The following CENPO variants were observed in gnomAD, a reference collection of about 807,000 sequenced individuals.
The protein encoded by CENPO is centromere protein O, also known as centromeric protein O.
Under a neutral mutation model 36.1 loss-of-function variants are expected in CENPO, and 30 were observed. That is an observed-to-expected ratio of 0.83 (90% CI 0.62 to 1.13). The LOEUF (loss-of-function observed/expected upper bound fraction) is 1.13. Among genes scored for constraint, CENPO ranks in the 50% most tolerant of loss-of-function variants. The pLI, the probability that CENPO is intolerant of heterozygous loss-of-function variation, is 0.00. For synonymous variants in CENPO, 171 were observed against 142.3 expected (o/e 1.20, Z -1.44); for missense variants, 349 against 357.8 (o/e 0.98, Z 0.20).
intron 3 of CENPO, among the ~76,000 whole-genome samples, chr2:24,802,528 T>G (rs1280204042): frequency 2.0e-5 from 3 of 152,254 alleles, no homozygotes; most frequent in Non-Finnish European, 4.4e-5. Flanking sequence ...TTGAGAGTTT[T>G]TAGCATGAAG....
rs146239018 is a variant in CENPO at position 24,816,746 on chromosome 2, C to T, written c.695C>T (p.Pro232Leu). The change falls in exon 6 of 8, where the codon CCG becomes CTG. Residue 232 changes from proline (P) to leucine (L), a missense_variant. Pro to Leu is a moderately conservative substitution (Grantham distance 98). Coordinates refer to ENST00000380834, the MANE Select transcript of CENPO (RefSeq NM_001322101.2). ...YKLDPGGQSF[P>L]FCARLLYKDL... ...CTGGATCCAGGGGGTCAGTCCTTCCCGTTCTGTGCTAGATTGCTGTATAAG... is the reference window on the plus strand; with the variant it reads ...CTGGATCCAGGGGGTCAGTCCTTCCTGTTCTGTGCTAGATTGCTGTATAAG... 1.2e-3 allele frequency: 1,924 copies of T among 1,612,526 alleles called. 11 individuals are homozygous for T. The highest frequency in any genetic ancestry group is 0.01 in the Middle Eastern group (63 of 6,056).
At chr2:24,797,375 G>A (rs1665953863) in intron 2 of CENPO, among the ~76,000 whole-genome samples, 1 of 152,168 alleles carries the variant, frequency 6.6e-6, no homozygotes, top group African/African-American at 2.4e-5. Context: ...CACTGAGAAG[G>A]CAGGTGGATA....
intron 4 of CENPO, 114 bp from the exon 5 acceptor site, chr2:24,815,383 C>T (rs1421450493): frequency 2.5e-6 from 2 of 788,816 alleles, no homozygotes; most frequent in Non-Finnish European, 4.3e-6. Flanking sequence ...ATTGAACAAA[C>T]ATTTGTGTAC....
At chr2:24,813,044 AAGACCAGCCTGG>A (rs1666771030) in intron 3 of CENPO, among the ~76,000 whole-genome samples, 1 of 151,884 alleles carries the variant, frequency 6.6e-6, no homozygotes, top group Non-Finnish European at 1.5e-5. Context: ...TCAGGAGTTC[AAGACCAGCCTGG>A]CCAACATGGT....
At chr2:24,807,364 G>A (rs1408914184) in intron 3 of CENPO, among the ~76,000 whole-genome samples, 1 of 152,116 alleles carries the variant, frequency 6.6e-6, no homozygotes, top group East Asian at 1.9e-4. Flanking sequence ...TTATATAAAT[G>A]TTAAAAAGCT....
intron 3 of CENPO, among the ~76,000 whole-genome samples, chr2:24,800,252 C>T (rs1471015953): frequency 6.6e-6 from 1 of 152,204 alleles, no homozygotes; most frequent in Non-Finnish European, 1.5e-5. Context: ...GCACTCCAGC[C>T]TGGGAAACAG....
At chr2:24,794,261 T>G (rs533328243) in intron 2 of CENPO, among the ~76,000 whole-genome samples, 3 of 152,324 alleles carry the variant, frequency 2.0e-5, no homozygotes, top group African/African-American at 7.2e-5. Flanking sequence ...CTCCCCGGAT[T>G]TTTTGGGCCA....
In CENPO at chr2:24,801,153, T is replaced by C. The variant is rs897777203; in HGVS notation, c.216+1309T>C. 7.9e-5 allele frequency among the ~76,000 whole-genome samples: 12 copies of C among 152,338 alleles called. No homozygotes were observed. The South Asian group carries it at 1.4e-3, about 18-fold the overall frequency. ...TTGAGAAGTGTCTGTTCATGTCCTT[T>C]GCCCACTTTTTGATGGGGTTGTTTG... On this transcript the variant is annotated intron_variant, in intron 3 of 7. Transcript: ENST00000380834.
At position 24,821,049 on chromosome 2, in the gene CENPO, C is replaced by A. The variant is rs921815412; in HGVS notation, c.*1731C>A. The A allele has an allele frequency of 8.2e-6, 5 of 606,900 alleles. No homozygotes were observed. Among genetic ancestry groups the A allele is most frequent in the Non-Finnish European group, 1.3e-5 (5 of 381,744 alleles). 37.6% of individuals were successfully genotyped at this position (606,900 alleles called of 1,614,324 possible). On this transcript the variant is annotated 3_prime_UTR_variant, in exon 8 of 8. Transcript: ENST00000380834. ...GTGCTTGTTAGGTGTCAGCCGCCAC[C>A]CCCCCCCCATATGCAGATTTACTCG... is the stretch of plus-strand genomic sequence containing the variant.
chr2:24,813,205 C>T (rs985952443), intron 3 of CENPO, among the ~76,000 whole-genome samples: 1 of 152,066 alleles, frequency 6.6e-6, no homozygotes, highest in African/African-American at 2.4e-5. Context: ...GAGATTGTGC[C>T]ATTGCACTCC....
intron 3 of CENPO, among the ~76,000 whole-genome samples, chr2:24,812,544 T>C (rs1478383810): frequency 6.6e-6 from 1 of 152,166 alleles, no homozygotes. Context: ...GGTGTTTTTG[T>C]TTTTGTTTTC....
chr2:24,799,370 G>A (rs1293957726), intron 2 of CENPO, among the ~76,000 whole-genome samples: 33 of 152,166 alleles, frequency 2.2e-4, no homozygotes, highest in Admixed American at 1.8e-3. Flanking sequence ...GTGGATTTGC[G>A]ATAAACTGCA....
intron 3 of CENPO, among the ~76,000 whole-genome samples, chr2:24,804,571 C>T (rs1666298689): frequency 6.6e-6 from 1 of 152,100 alleles, no homozygotes; most frequent in Admixed American, 6.5e-5. Flanking sequence ...GATTTTATTT[C>T]TCCTTCACTT....
intron 3 of CENPO, among the ~76,000 whole-genome samples, chr2:24,804,052 C>A (rs572074381): frequency 6.6e-6 from 1 of 152,150 alleles, no homozygotes; most frequent in African/African-American, 2.4e-5. Flanking sequence ...GTTAGCTCTT[C>A]GTGTTGAATT....
At chr2:24,800,977 C>T (rs977690833) in intron 3 of CENPO, among the ~76,000 whole-genome samples, 17 of 152,278 alleles carry the variant, frequency 1.1e-4, no homozygotes, top group African/African-American at 3.6e-4. Flanking sequence ...TCCACAGCCT[C>T]TCCAGCACCT....
chr2:24,820,140 G>T lies in CENPO; in HGVS notation c.*822G>T, dbSNP rs777713169. The T allele has an allele frequency of 9.9e-6, 15 of 1,520,078 alleles. No individual in the cohort carries two copies. The South Asian group carries it at 1.8e-4, about 18-fold the overall frequency. The allele number at this position is 1,520,078 out of a possible 1,614,324, so 94.2% of individuals were successfully genotyped here. On this transcript the variant is annotated 3_prime_UTR_variant, in exon 8 of 8. Transcript: ENST00000380834. Reference sequence around the variant, plus strand: ...CTGGAGAGGGAGGGGGAGCAAGAACGTGGCGTTACGGGGGGAGCCTAGACT... The same window carrying T: ...CTGGAGAGGGAGGGGGAGCAAGAACTTGGCGTTACGGGGGGAGCCTAGACT...
chr2:24,799,651 A>G, intron 2 of CENPO, 24 bp from the exon 3 acceptor site: 1 of 1,564,274 alleles, frequency 6.4e-7, no homozygotes, highest in Non-Finnish European at 8.7e-7. Context: ...GCTTCTTGTA[A>G]AATTCTCCTT....
At chr2:24,802,206 A>G (rs1425850303) in intron 3 of CENPO, among the ~76,000 whole-genome samples, 5 of 152,168 alleles carry the variant, frequency 3.3e-5, no homozygotes, top group Non-Finnish European at 7.3e-5. Flanking sequence ...GAAGTTGCCT[A>G]TCAGCTTAAG....
intron 4 of CENPO, 21 bp downstream of exon 4, chr2:24,814,514 CTAATT>C: frequency 8.9e-7 from 1 of 1,127,942 alleles, no homozygotes; most frequent in African/African-American, 1.5e-5. Context: ...TTTTTTTAAC[CTAATT>C]TAGTCTGGGT....
Sources: allele counts gnomAD v4.1 joint callset (sites outside exome capture counted in the v4.1 genomes callset), GRCh38; gene constraint gnomAD v4.1.1; transcripts MANE v1.5; gene names NCBI Gene and HGNC (gene_info 2026-07-23, HGNC 2026-07-21).